Variants in SAMD12 observed in about 807,000 individuals in gnomAD.
SAMD12 encodes the protein sterile alpha motif domain-containing protein 12.
SAMD12 carries 9 observed loss-of-function variants against 15.0 expected under a neutral mutation model. The ratio of observed to expected loss-of-function variants is 0.60; its 90% CI spans 0.36 to 1.05. The LOEUF is 1.05. Ranked by LOEUF, SAMD12 falls within the 50% of genes least tolerant of loss-of-function variation. The pLI, the probability that SAMD12 is intolerant of heterozygous loss-of-function variation, is 0.01. For synonymous variants in SAMD12, 86 were observed against 90.1 expected, an observed-to-expected ratio of 0.96 and a Z score of 0.25; for missense variants, 230 against 234.2, an observed-to-expected ratio of 0.98 and a Z score of 0.12.
chr8:118,558,649 C>A (rs1041263289), intron 2 of SAMD12, among the ~76,000 whole-genome samples: 2 of 152,236 alleles, frequency 1.3e-5, no homozygotes, highest in African/African-American at 4.8e-5. Flanking sequence ...AGCTCCACCT[C>A]CCAGGTTCAC....
At chr8:118,465,471 C>T (rs534527361) in intron 2 of SAMD12, among the ~76,000 whole-genome samples, 34 of 152,286 alleles carry the variant, frequency 2.2e-4, no homozygotes, top group South Asian at 1.9e-3. Context: ...ATAAAAGGGA[C>T]TTCTCATTTG....
chr8:118,390,126 C>T (rs1246564015), intron 3 of SAMD12, among the ~76,000 whole-genome samples: 1 of 152,106 alleles, frequency 6.6e-6, no homozygotes, highest in Non-Finnish European at 1.5e-5. Flanking sequence ...CCTGCCTCAG[C>T]CTCCTAAGCA....
intron 2 of SAMD12, among the ~76,000 whole-genome samples, chr8:118,578,531 C>T (rs1230887305): frequency 6.6e-6 from 1 of 152,100 alleles, no homozygotes; most frequent in African/African-American, 2.4e-5. Context: ...GGCCAATTTA[C>T]CGGAGATTCA....
chr8:118,401,923 A>T (rs1374053677), intron 3 of SAMD12, among the ~76,000 whole-genome samples: 1 of 152,182 alleles, frequency 6.6e-6, no homozygotes, highest in Non-Finnish European at 1.5e-5. Flanking sequence ...TTTCAATCTA[A>T]TTTTTAAGAT....
intron 4 of SAMD12, among the ~76,000 whole-genome samples, chr8:118,210,466 C>T (rs112740078): frequency 1.0e-3 from 153 of 152,234 alleles, no homozygotes; most frequent in African/African-American, 3.5e-3. Flanking sequence ...ACATCATTTG[C>T]GAGGAGGAAG....
At chr8:118,347,196 T>C (rs1383800136) in intron 4 of SAMD12, among the ~76,000 whole-genome samples, 1 of 146,030 alleles carries the variant, frequency 6.8e-6, no homozygotes, top group Non-Finnish European at 1.6e-5. Flanking sequence ...ACCAAAGTGC[T>C]GGAATTACAG....
exon 5 of SAMD12, chr8:118,191,811 T>TAGAGAGAGAGAGAGAGAGAGAG (rs1187043376): frequency 1.2e-4 from 1 of 8,154 alleles, no homozygotes; most frequent in African/African-American, 2.7e-4. Flanking sequence ...TATATATATA[T>TAGAGAGAGAGAGAGAGAGAGAG]AGAGAGAGAG....
chr8:118,264,006 A>G (rs998843483), intron 4 of SAMD12, among the ~76,000 whole-genome samples: 3 of 152,120 alleles, frequency 2.0e-5, no homozygotes, highest in African/African-American at 7.2e-5. Context: ...TTCCATTGCA[A>G]TTGAAATAGT....
intron 4 of SAMD12, among the ~76,000 whole-genome samples, chr8:118,309,145 T>C (rs987915372): frequency 1.2e-4 from 18 of 152,158 alleles, no homozygotes; most frequent in Non-Finnish European, 2.5e-4. Context: ...TCACCCTCTT[T>C]CCACCCTTTC....
intron 4 of SAMD12, among the ~76,000 whole-genome samples, chr8:118,248,993 C>T (rs1041993961): frequency 3.3e-5 from 5 of 152,074 alleles, no homozygotes; most frequent in African/African-American, 9.7e-5. Context: ...TGATCCCCCA[C>T]GGATCCCAAA....
the SAMD12 span, among the ~76,000 whole-genome samples, chr8:118,171,597 G>T: frequency 6.6e-6 from 1 of 152,174 alleles, no homozygotes. Flanking sequence ...ACCATATATT[G>T]TGTGATTGCA....
At chr8:118,452,158 A>C (rs1586728850) in intron 2 of SAMD12, among the ~76,000 whole-genome samples, 1 of 101,188 alleles carries the variant, frequency 9.9e-6, no homozygotes, top group South Asian at 2.4e-4. Flanking sequence ...ATCAAACCAC[A>C]TCGGCACCAT....
the SAMD12 span, among the ~76,000 whole-genome samples, chr8:118,169,524 T>C: frequency 2.0e-5 from 3 of 152,188 alleles, no homozygotes; most frequent in Non-Finnish European, 4.4e-5. Context: ...ACTTATATAA[T>C]GTAAGTCAGT....
At chr8:118,433,390 G>T (rs1409908354) in intron 3 of SAMD12, among the ~76,000 whole-genome samples, 2 of 146,998 alleles carry the variant, frequency 1.4e-5, no homozygotes, top group African/African-American at 2.5e-5. Flanking sequence ...TTCCACTTGT[G>T]TTTATTTCTC....
Position 118,192,619 on chromosome 8 carries a change from C to G in SAMD12, c.*5091G>C, listed in dbSNP as rs576967576. The G allele has an allele frequency of 2.8e-5, 4 of 141,846 alleles. No individual in the cohort carries two copies. In the East Asian group the frequency reaches 7.8e-4, roughly 28 times the overall value. The allele number at this position is 141,846 out of a possible 1,614,324, so 8.8% of individuals were successfully genotyped here. A position where few individuals can be genotyped will look rare whatever the true frequency, so the allele number is the denominator to read the frequency against. ...AACAACAACGCAACAAATAACCAACCAACCAAACAAACAAACAAACAAAAA... is the reference window on the plus strand; with the variant it reads ...AACAACAACGCAACAAATAACCAACGAACCAAACAAACAAACAAACAAAAA... On this transcript the variant is annotated 3_prime_UTR_variant, in exon 5 of 5. Coordinates refer to the SAMD12 transcript ENST00000409003.
At chr8:118,468,858 G>A (rs910756201) in intron 2 of SAMD12, among the ~76,000 whole-genome samples, 6 of 152,118 alleles carry the variant, frequency 3.9e-5, no homozygotes, top group Non-Finnish European at 8.8e-5. Context: ...GATATAGCAC[G>A]GTAGCTTATT....
intron 2 of SAMD12, among the ~76,000 whole-genome samples, chr8:118,502,966 C>T (rs1045524608): frequency 6.6e-6 from 1 of 152,110 alleles, no homozygotes; most frequent in Non-Finnish European, 1.5e-5. Flanking sequence ...ATACATTTGC[C>T]AGAAAAAGCC....
intron 4 of SAMD12, among the ~76,000 whole-genome samples, chr8:118,206,107 A>G (rs752631457): frequency 2.0e-5 from 3 of 152,214 alleles, no homozygotes; most frequent in Non-Finnish European, 4.4e-5. Context: ...TGACTGCCTC[A>G]AACTCATCTG....
intron 2 of SAMD12, among the ~76,000 whole-genome samples, chr8:118,443,812 T>G (rs1187045184): frequency 6.6e-6 from 1 of 152,182 alleles, no homozygotes; most frequent in Non-Finnish European, 1.5e-5. Context: ...CCATCAACAT[T>G]TCCTCCATCC....
Sources: gnomAD v4.1 joint callset for allele counts (sites outside exome capture counted in the v4.1 genomes callset) on GRCh38, gnomAD v4.1.1 for gene constraint, MANE v1.5 for transcripts, NCBI Gene and HGNC (gene_info 2026-07-23, HGNC 2026-07-21) for gene names.